EFCAB5: variants seen among roughly 807,000 people sequenced by gnomAD.
The protein encoded by EFCAB5 is EF-hand calcium-binding domain-containing protein 5.
EFCAB5 carries 131 observed loss-of-function variants against 167.9 expected under a neutral mutation model. The ratio of observed to expected loss-of-function variants is 0.78; its 90% confidence interval spans 0.68 to 0.90. The LOEUF (loss-of-function observed/expected upper bound fraction) is 0.90. Ranked by LOEUF, EFCAB5 falls within the 40% of genes least tolerant of loss-of-function variation. The pLI is 0.00. For missense variants in EFCAB5, 1,663 were observed against 1,745.2 expected, an observed-to-expected ratio of 0.95 and a Z score of 0.84; for synonymous variants, 574 against 602.8, an observed-to-expected ratio of 0.95 and a Z score of 0.70.
upstream of EFCAB5, among the ~76,000 whole-genome samples, chr17:29,940,451 C>A (rs779653138): frequency 1.3e-5 from 2 of 152,088 alleles, no homozygotes; most frequent in African/African-American, 4.8e-5. Context: ...TAGAAAGCAC[C>A]TAATAAAGTC....
chr17:30,061,541 A>G (rs1045202456), intron 14 of EFCAB5, among the ~76,000 whole-genome samples: 1 of 152,190 alleles, frequency 6.6e-6, no homozygotes, highest in Non-Finnish European at 1.5e-5. Context: ...TTCTATATGG[A>G]AGAGGAAGGT....
At chr17:30,100,299 C>T (rs1337790710) in intron 22 of EFCAB5, among the ~76,000 whole-genome samples, 1 of 152,110 alleles carries the variant, frequency 6.6e-6, no homozygotes, top group Non-Finnish European at 1.5e-5. Context: ...AAGAAGCCTA[C>T]ATTCTAAAGG....
At chr17:30,031,438 A>T (rs949935887) in intron 7 of EFCAB5, among the ~76,000 whole-genome samples, 10 of 152,210 alleles carry the variant, frequency 6.6e-5, no homozygotes, top group Non-Finnish European at 1.5e-4. Context: ...ATCAGCTAAG[A>T]GGACTGTTTA....
upstream of EFCAB5, among the ~76,000 whole-genome samples, chr17:29,937,941 T>G (rs2067259647): frequency 1.3e-5 from 2 of 152,164 alleles, no homozygotes; most frequent in Non-Finnish European, 2.9e-5. Flanking sequence ...ACAAAGCCAT[T>G]TTAGGAAATG....
chr17:30,080,308 G>A (rs2070959594), intron 16 of EFCAB5, 67 bp downstream of exon 16: 2 of 1,461,764 alleles, frequency 1.4e-6, no homozygotes, highest in Non-Finnish European at 1.8e-6. Context: ...GAGTAAACTG[G>A]CATCAAGATC....
intron 8 of EFCAB5, among the ~76,000 whole-genome samples, chr17:30,037,411 A>T (rs2069656201): frequency 6.6e-6 from 1 of 152,186 alleles, no homozygotes; most frequent in African/African-American, 2.4e-5. Context: ...GATGAAGTAC[A>T]TACACCACAG....
chr17:30,051,667 C>G (rs1341350854), intron 9 of EFCAB5, among the ~76,000 whole-genome samples: 2 of 152,102 alleles, frequency 1.3e-5, no homozygotes, highest in Non-Finnish European at 2.9e-5. Flanking sequence ...AGATGATTCT[C>G]CCACCTCAGC....
Position 29,957,542 on chromosome 17 carries a change from AC to A in EFCAB5, c.191-11248del, listed in dbSNP as rs1159345846. On this transcript the variant is annotated intron_variant, in intron 3 of 22. Transcript: ENST00000394835. ...CCCCTCCCTGTGTCCATGTGTTCTCACTATTCAGTTCCCACTTATAAGTGAG... is the reference window on the plus strand; with the variant it reads ...CCCCTCCCTGTGTCCATGTGTTCTCATATTCAGTTCCCACTTATAAGTGAG... 5.9e-5 allele frequency among the ~76,000 whole-genome samples: 9 copies of A among 152,070 alleles called. No individual in the cohort carries two copies. In the East Asian group the frequency reaches 1.2e-3, roughly 20 times the overall value.
intron 15 of EFCAB5, among the ~76,000 whole-genome samples, chr17:30,079,869 G>A (rs756118005): frequency 3.3e-5 from 5 of 152,132 alleles, no homozygotes; most frequent in Non-Finnish European, 5.9e-5. Context: ...GAAGAAACCC[G>A]TTATACCCAC....
chr17:30,057,768 G>A lies in EFCAB5; in HGVS notation c.2458G>A (p.Val820Met), dbSNP rs377263317. 3.7e-6 allele frequency: 6 copies of A among 1,613,704 alleles called. No individual in the cohort carries two copies. Among genetic ancestry groups the A allele is most frequent in the Non-Finnish European group, 4.2e-6 (5 of 1,179,786 alleles). ...AGTTTCATTCAATCTGCTCCAGTTT[G>A]TGCAACTCCTGGAGACATTTGTTGG... ...NGVSFNLLQF[V>M]QLLETFVGED... Residue 820 changes from valine (V) to methionine (M), a missense_variant, in exon 13 of 23, where the codon GTG (valine) becomes ATG (methionine). Physicochemically the swap from Val to Met is conservative, Grantham distance 21. Coordinates refer to ENST00000394835, the MANE Select transcript of EFCAB5 (RefSeq NM_198529.4).
At chr17:30,020,440 CT>C (rs1213428070) in intron 7 of EFCAB5, among the ~76,000 whole-genome samples, 1 of 150,208 alleles carries the variant, frequency 6.7e-6, no homozygotes, top group Non-Finnish European at 1.5e-5. Flanking sequence ...TCTCGATTCA[CT>C]GCAACCTCCG....
chr17:30,013,803 T>G (rs1343250265), intron 7 of EFCAB5, among the ~76,000 whole-genome samples: 1 of 152,232 alleles, frequency 6.6e-6, no homozygotes, highest in Non-Finnish European at 1.5e-5. Context: ...TCTAGCTCCT[T>G]CAATTCTGCT....
chr17:30,056,053 T>A lies in EFCAB5; in HGVS notation c.2273-11T>A, dbSNP rs1217478776. 1 of 1,613,134 alleles carries A rather than the reference T, an allele frequency of 6.2e-7. No individual in the cohort carries two copies. Among genetic ancestry groups the A allele is most frequent in the Admixed American group, 1.7e-5 (1 of 59,900 alleles). On this transcript the variant is annotated splice_polypyrimidine_tract_variant and intron_variant, in intron 11 of 22. Coordinates refer to ENST00000394835, the MANE Select transcript of EFCAB5 (RefSeq NM_198529.4). Reference sequence around the variant, plus strand: ...GTTTGATTGGCTATGTTATGGAATGTGTTTTTACAGGTGAATTTTTTACTT... The same window carrying A: ...GTTTGATTGGCTATGTTATGGAATGAGTTTTTACAGGTGAATTTTTTACTT...
At position 29,943,585 on chromosome 17, in the gene EFCAB5, C is replaced by T. The variant is rs758421800; in HGVS notation, c.126C>T (p.Asp42=). ...ELHETLQSVP[D]VPVKEDTNSV... ...CAAAGACCTTACAGAGTGTGCCAGA[C>T]GTTCCTGTAAAAGAGGACACCAACA... Residue 42 remains aspartate (D), a synonymous_variant, in exon 3 of 23, where the codon GAC becomes GAT. Transcript: ENST00000394835. 8.1e-5 allele frequency: 129 copies of T among 1,583,140 alleles called. 1 individual carries two copies. The South Asian group carries it at 1.1e-3, about 14-fold the overall frequency.
intron 7 of EFCAB5, among the ~76,000 whole-genome samples, chr17:30,011,176 G>A (rs1483962061): frequency 6.6e-6 from 1 of 152,076 alleles, no homozygotes; most frequent in East Asian, 1.9e-4. Flanking sequence ...ATCTGTTTTG[G>A]TACCAGTACC....
chr17:30,103,562 GTTT>G (rs2071407578), intron 22 of EFCAB5, among the ~76,000 whole-genome samples: 2 of 152,128 alleles, frequency 1.3e-5, no homozygotes, highest in African/African-American at 2.4e-5. Flanking sequence ...AGAAAAATGT[GTTT>G]TTAACTCCCC....
chr17:30,042,241 T>G (rs1043602467), intron 8 of EFCAB5, among the ~76,000 whole-genome samples: 1 of 152,152 alleles, frequency 6.6e-6, no homozygotes, highest in Non-Finnish European at 1.5e-5. Context: ...ACTCCTGACC[T>G]CAGGTGACCC....
chr17:30,077,131 A>C (rs1389077601), intron 14 of EFCAB5, among the ~76,000 whole-genome samples: 1 of 151,928 alleles, frequency 6.6e-6, no homozygotes, highest in Non-Finnish European at 1.5e-5. Context: ...GTGAAACCCC[A>C]CCTCTACTGA....
intron 14 of EFCAB5, among the ~76,000 whole-genome samples, chr17:30,070,906 C>T (rs531293843): frequency 1.5e-4 from 19 of 125,792 alleles, no homozygotes; most frequent in East Asian, 7.2e-4. Flanking sequence ...GCCGAGATTG[C>T]GCCACTGCAC....
Sources: allele counts gnomAD v4.1 joint callset (sites outside exome capture counted in the v4.1 genomes callset), GRCh38; gene constraint gnomAD v4.1.1; transcripts MANE v1.5; gene names NCBI Gene and HGNC (gene_info 2026-07-23, HGNC 2026-07-21).